KLF12: variants seen among roughly 807,000 people sequenced by gnomAD.
The protein encoded by KLF12 is Krueppel-like factor 12.
KLF12 carries 9 observed loss-of-function variants against 37.8 expected under a neutral mutation model. The observed-to-expected ratio is 0.24, with a 90% CI of 0.14 to 0.42. KLF12 has a LOEUF of 0.42. Among genes scored for constraint, KLF12 ranks in the 10% least tolerant of loss-of-function variants. The pLI is 1.00. For synonymous variants in KLF12, 208 were observed against 202.1 expected (o/e 1.03, Z -0.25); for missense variants, 411 against 516.0 (o/e 0.80, Z 1.97).
chr13:73,954,553 A>G (rs776959429), intron 2 of KLF12, among the ~76,000 whole-genome samples: 6 of 152,216 alleles, frequency 3.9e-5, no homozygotes, highest in Non-Finnish European at 7.3e-5. Flanking sequence ...AGTAGTTAGG[A>G]CTAAAAGATT....
intron 1 of KLF12, among the ~76,000 whole-genome samples, chr13:74,079,775 T>C (rs1468261205): frequency 2.0e-5 from 3 of 152,184 alleles, no homozygotes; most frequent in East Asian, 1.9e-4. Flanking sequence ...TTGTGTACTG[T>C]TGGTAGGATT....
chr13:73,808,548 T>A (rs1882767024), intron 5 of KLF12, among the ~76,000 whole-genome samples: 1 of 152,152 alleles, frequency 6.6e-6, no homozygotes, highest in Non-Finnish European at 1.5e-5. Context: ...ATTTGAATAT[T>A]TGCAGTGGTG....
chr13:74,266,942 T>A, the KLF12 span, among the ~76,000 whole-genome samples: 9 of 152,192 alleles, frequency 5.9e-5, no homozygotes, highest in African/African-American at 2.2e-4. Context: ...GTAGTGGATA[T>A]CTTTTTCCAT....
At chr13:73,904,487 T>TTTTTTAC (rs1888185520) in intron 3 of KLF12, among the ~76,000 whole-genome samples, 1 of 149,424 alleles carries the variant, frequency 6.7e-6, no homozygotes, top group Non-Finnish European at 1.5e-5. Context: ...TTTTTTTTTT[T>TTTTTTAC]TTTTTACTAA....
chr13:73,813,003 A>G (rs1408225128), intron 5 of KLF12, 149 bp downstream of exon 5: 4 of 771,692 alleles, frequency 5.2e-6, no homozygotes, highest in Non-Finnish European at 8.3e-6. Context: ...CTAATCTCCC[A>G]AAGAGCATTC....
At chr13:74,264,538 A>G in the KLF12 span, among the ~76,000 whole-genome samples, 1 of 152,216 alleles carries the variant, frequency 6.6e-6, no homozygotes, top group Non-Finnish European at 1.5e-5. Context: ...TGAAATAGCC[A>G]CAGAATCCAA....
At chr13:73,840,031 C>A (rs1216315553) in intron 4 of KLF12, among the ~76,000 whole-genome samples, 2 of 152,148 alleles carry the variant, frequency 1.3e-5, no homozygotes, top group Non-Finnish European at 2.9e-5. Flanking sequence ...CACCTCTCAT[C>A]TGAACACCAA....
chr13:74,202,459 C>T, the KLF12 span, among the ~76,000 whole-genome samples: 5 of 152,248 alleles, frequency 3.3e-5, no homozygotes, highest in Admixed American at 3.3e-4. Context: ...ACACTGCCCC[C>T]ACCCCTACCT....
chr13:74,069,982 C>T (rs759479339), intron 1 of KLF12, among the ~76,000 whole-genome samples: 3 of 152,132 alleles, frequency 2.0e-5, no homozygotes, highest in Non-Finnish European at 2.9e-5. Context: ...ATGAAGCTGG[C>T]CCTCACCAGC....
chr13:73,724,566 G>A (rs1876518548), intron 6 of KLF12, among the ~76,000 whole-genome samples: 1 of 152,096 alleles, frequency 6.6e-6, no homozygotes, highest in African/African-American at 2.4e-5. Context: ...TTGAATTCTG[G>A]AGGAAAAGAA....
chr13:74,259,354 A>G, the KLF12 span: 1 of 152,138 alleles, frequency 6.6e-6, no homozygotes, highest in African/African-American at 2.4e-5. Flanking sequence ...TAAAGGTTCT[A>G]CTGACTTTCC....
In KLF12 at chr13:73,937,339, C is replaced by T. The variant is rs1889992731; in HGVS notation, c.123+6642G>A. 2.0e-5 allele frequency among the ~76,000 whole-genome samples: 3 copies of T among 152,038 alleles called. No individual in the cohort carries two copies. In the South Asian group the frequency reaches 6.2e-4, roughly 31 times the overall value. On this transcript the variant is annotated intron_variant, in intron 3 of 7. Transcript: ENST00000377669. ...TTTTAAAAAAATTCTTCCACAAAGA[C>T]AAGGAGACAATGCAGACCATGATCT...
the KLF12 span, among the ~76,000 whole-genome samples, chr13:74,176,973 T>C: frequency 1.3e-5 from 2 of 152,346 alleles, no homozygotes; most frequent in East Asian, 3.9e-4. Context: ...GAAATGAATA[T>C]TTTAACTTTC....
chr13:73,839,230 C>T (rs545153351), intron 4 of KLF12, among the ~76,000 whole-genome samples: 43 of 151,106 alleles, frequency 2.8e-4, no homozygotes, highest in Admixed American at 9.9e-4. Context: ...GTACCTGGGA[C>T]CACAGGTGCT....
At chr13:74,017,450 A>G (rs1892721857) in intron 1 of KLF12, among the ~76,000 whole-genome samples, 1 of 150,680 alleles carries the variant, frequency 6.6e-6, no homozygotes, top group Admixed American at 6.7e-5. Context: ...GGGAAATTCT[A>G]TTTTCATCTA....
At chr13:74,257,397 G>A in the KLF12 span, 1 of 152,182 alleles carries the variant, frequency 6.6e-6, no homozygotes, top group African/African-American at 2.4e-5. Flanking sequence ...CATGGCACGA[G>A]GAGAAGCAAA....
chr13:73,874,385 G>A lies in KLF12; in HGVS notation c.124-28012C>T, dbSNP rs143317376. 5.0e-3 allele frequency among the ~76,000 whole-genome samples: 754 copies of A among 152,180 alleles called. 7 individuals carry two copies. Among genetic ancestry groups the A allele is most frequent in the African/African-American group, 0.014 (562 of 41,526 alleles). On this transcript the variant is annotated intron_variant, in intron 3 of 7. Coordinates refer to ENST00000377669, the MANE Select transcript of KLF12 (RefSeq NM_007249.5). ...CTGTTCAATACGTTTAAGCAATTAC[G>A]CACTACCATAAATTAGAAAAGATTA...
At chr13:74,096,275 C>T (rs970348023) in intron 1 of KLF12, among the ~76,000 whole-genome samples, 9 of 152,196 alleles carry the variant, frequency 5.9e-5, no homozygotes, top group Non-Finnish European at 1.0e-4. Context: ...TAAGCTTCAT[C>T]GTAAATTATC....
intron 6 of KLF12, among the ~76,000 whole-genome samples, chr13:73,761,573 T>C (rs148988538): frequency 5.4e-4 from 83 of 152,322 alleles, no homozygotes; most frequent in African/African-American, 1.8e-3. Flanking sequence ...TTCCTCTGTC[T>C]TTTTCACTTC....
Sources: allele counts gnomAD v4.1 joint callset (sites outside exome capture counted in the v4.1 genomes callset), GRCh38; gene constraint gnomAD v4.1.1; transcripts MANE v1.5; gene names NCBI Gene and HGNC (gene_info 2026-07-23, HGNC 2026-07-21).